RPS6KA2: variants seen among roughly 807,000 people sequenced by gnomAD.
RPS6KA2 encodes the protein ribosomal protein S6 kinase alpha-2.
In RPS6KA2, 42 loss-of-function variants were observed where a neutral mutation model predicts 91.8. The ratio of observed to expected loss-of-function variants is 0.46; its 90% CI spans 0.36 to 0.59. The LOEUF is 0.59. RPS6KA2 is among the 20% of genes least tolerant of loss of function. The probability of loss-of-function intolerance (pLI) is 0.00; values close to 1 mark genes in which losing one functional copy is unlikely to be tolerated. For missense variants in RPS6KA2, 798 were observed against 978.5 expected, an observed-to-expected ratio of 0.82 and a Z score of 2.46; for synonymous variants, 414 against 393.6, an observed-to-expected ratio of 1.05 and a Z score of -0.61.
intron 1 of RPS6KA2, among the ~76,000 whole-genome samples, chr6:166,574,689 T>A (rs1784790105): frequency 6.6e-6 from 1 of 152,212 alleles, no homozygotes; most frequent in Non-Finnish European, 1.5e-5. Flanking sequence ...ATGGAATTGG[T>A]GTGGTAGTTC....
chr6:166,628,675 C>T (rs1336143672), upstream of RPS6KA2, among the ~76,000 whole-genome samples: 3 of 152,228 alleles, frequency 2.0e-5, no homozygotes, highest in African/African-American at 7.2e-5. Context: ...ACGACTCTGG[C>T]GCTGCCCCTT....
chr6:166,588,450 T>C (rs1427293745), intron 1 of RPS6KA2, among the ~76,000 whole-genome samples: 1 of 152,070 alleles, frequency 6.6e-6, no homozygotes. Flanking sequence ...CTGGGGGTCT[T>C]AGGGGACTCC....
intron 12 of RPS6KA2, among the ~76,000 whole-genome samples, chr6:166,454,228 G>A (rs113619443): frequency 7.2e-5 from 11 of 152,284 alleles, no homozygotes; most frequent in Admixed American, 3.3e-4. Flanking sequence ...GGCTGGGCGC[G>A]GTGGATCACA....
At chr6:166,651,090 G>T (rs1400083242) in intron 2 of RPS6KA2, among the ~76,000 whole-genome samples, 1 of 152,210 alleles carries the variant, frequency 6.6e-6, no homozygotes, top group Non-Finnish European at 1.5e-5. Flanking sequence ...ATCCGAAAAT[G>T]TCAGCGCCTT....
At chr6:166,744,529 C>T (rs1303359259) in intron 2 of RPS6KA2, among the ~76,000 whole-genome samples, 2 of 152,226 alleles carry the variant, frequency 1.3e-5, no homozygotes, top group Non-Finnish European at 2.9e-5. Context: ...GCCTCAGCCC[C>T]CAGGGACTGC....
chr6:166,803,371 C>T (rs1484829355), intron 2 of RPS6KA2, among the ~76,000 whole-genome samples: 3 of 152,166 alleles, frequency 2.0e-5, no homozygotes, highest in East Asian at 1.9e-4. Flanking sequence ...TGAGCTGATA[C>T]GCTAATAACT....
chr6:166,464,998 AT>A (rs550435439), intron 11 of RPS6KA2, among the ~76,000 whole-genome samples: 149 of 150,998 alleles, frequency 9.9e-4, no homozygotes, highest in African/African-American at 3.4e-3. Flanking sequence ...AAAAAAATAA[AT>A]AAATAAATAA....
intron 6 of RPS6KA2, 113 bp from the exon 7 acceptor site, chr6:166,501,037 G>T: frequency 1.1e-6 from 1 of 921,938 alleles, no homozygotes; most frequent in Non-Finnish European, 1.7e-6. Flanking sequence ...TTTTCAGGGA[G>T]CCCTGATGGA....
intron 14 of RPS6KA2, among the ~76,000 whole-genome samples, chr6:166,436,867 C>G (rs369268522): frequency 4.6e-5 from 7 of 152,082 alleles, no homozygotes; most frequent in African/African-American, 1.7e-4. Flanking sequence ...GGTTCTCACA[C>G]GACCCTCCTG....
Position 166,459,497 on chromosome 6 carries a change from C to T in RPS6KA2, c.1027G>A (p.Glu343Lys). ...TCGGGGTCAAAGTGGAAGGTGTCCT[C>T]AGGCCTGCCCACTGCTGGTTTGAAC... ...PPFKPAVGRP[E>K]DTFHFDPEFT... Residue 343 changes from glutamate to lysine, a missense_variant, in exon 12 of 21, where the codon GAG becomes AAG. Glu to Lys is a moderately conservative substitution (Grantham distance 56). Coordinates refer to ENST00000265678, the MANE Select transcript of RPS6KA2 (RefSeq NM_021135.6). The surrounding 1 kb of genome is among the most constrained non-coding windows in gnomAD (Gnocchi z 4.9). 1.2e-6 allele frequency: 2 copies of T among 1,614,124 alleles called. No individual in the cohort carries two copies. The highest frequency in any genetic ancestry group is 1.7e-6 in the Non-Finnish European group (2 of 1,180,014).
rs2235275 is a variant in RPS6KA2, at chr6:166,493,921, A to T, written c.748-3180T>A. 6.6e-6 allele frequency among the ~76,000 whole-genome samples: 1 copy of T among 152,024 alleles called. No homozygotes were observed. Among genetic ancestry groups the T allele is most frequent in the Non-Finnish European group, 1.5e-5 (1 of 67,978 alleles). On this transcript the variant is annotated intron_variant, in intron 8 of 20. Transcript: ENST00000265678. This position sits in a 1 kb window ranked among gnomAD's most constrained non-coding sequence, Gnocchi z 4.7. ...AGGGACAGCTAAGGAACCTGGAAAG[A>T]GTGGCGGCCCCGGCACAGGCAGGAT...
At chr6:166,588,142 A>C (rs1270748435) in intron 1 of RPS6KA2, among the ~76,000 whole-genome samples, 1 of 152,152 alleles carries the variant, frequency 6.6e-6, no homozygotes, top group East Asian at 1.9e-4. Context: ...GTCTGAAGTA[A>C]ACAAGGCAGG....
At chr6:166,824,765 C>CTGTCTACG (rs1554260956) in intron 2 of RPS6KA2, among the ~76,000 whole-genome samples, 3 of 41,820 alleles carry the variant, frequency 7.2e-5, no homozygotes, top group East Asian at 1.7e-3. Context: ...GTGTGTGTGT[C>CTGTCTACG]TGTGTGTCTA....
In RPS6KA2 at chr6:166,493,986, G is replaced by C. The variant is rs868626855; in HGVS notation, c.748-3245C>G. Reference sequence around the variant, plus strand: ...CCAGTGGTACTGGGGGCAGGGGAAGGAGGAGACTCTGGGGAGACCCTTGGT... The same window carrying C: ...CCAGTGGTACTGGGGGCAGGGGAAGCAGGAGACTCTGGGGAGACCCTTGGT... On this transcript the variant is annotated intron_variant, in intron 8 of 20. Transcript: ENST00000265678. This position sits in a 1 kb window ranked among gnomAD's most constrained non-coding sequence, Gnocchi z 4.7. Among the ~76,000 whole-genome samples the C allele has an allele frequency of 7.9e-5, 12 of 152,212 alleles. No homozygotes were observed. The highest frequency in any genetic ancestry group is 2.7e-4 in the African/African-American group (11 of 41,466).
Position 166,770,906 on chromosome 6 carries a change from CT to C in RPS6KA2, c.123+87293del. 6.3e-7 allele frequency: 1 copy of C among 1,596,932 alleles called. No homozygotes were observed. Among genetic ancestry groups the C allele is most frequent in the Non-Finnish European group, 8.5e-7 (1 of 1,179,504 alleles). The stretch of plus-strand genomic sequence containing the variant: ...CTTTGTCTTGCAGGCAGCTGAGTCA[CT>C]TTTGCCCTGTGAAAATGGAAACGAA... On this transcript the variant is annotated intron_variant, in intron 2 of 21. Coordinates refer to the RPS6KA2 transcript ENST00000503859. This position sits in a 1 kb window ranked among gnomAD's most constrained non-coding sequence, Gnocchi z 5.1.
At chr6:166,686,635 C>A (rs1049134019) in intron 2 of RPS6KA2, among the ~76,000 whole-genome samples, 1 of 152,232 alleles carries the variant, frequency 6.6e-6, no homozygotes, top group African/African-American at 2.4e-5. Context: ...CTCACTTCTG[C>A]TCATGCTTCA....
chr6:166,744,873 C>T (rs1001470870), intron 2 of RPS6KA2, among the ~76,000 whole-genome samples: 4 of 152,184 alleles, frequency 2.6e-5, no homozygotes, highest in Non-Finnish European at 5.9e-5. Context: ...GGGCCTGGGC[C>T]TTCCCCGGCT....
At chr6:166,707,883 A>T (rs115913881) in intron 2 of RPS6KA2, among the ~76,000 whole-genome samples, 1 of 152,064 alleles carries the variant, frequency 6.6e-6, no homozygotes, top group Non-Finnish European at 1.5e-5. Context: ...AGCTGGAACT[A>T]CAGGTGTGCA....
intron 13 of RPS6KA2, among the ~76,000 whole-genome samples, chr6:166,450,650 C>CTGGGAGACCACCA (rs2128456101): frequency 6.8e-6 from 1 of 147,138 alleles, no homozygotes; most frequent in South Asian, 2.2e-4. Context: ...AGGGACCACC[C>CTGGGAGACCACCA]TGGGAGACCA....
Sources: gnomAD v4.1 joint callset for allele counts (sites outside exome capture counted in the v4.1 genomes callset) on GRCh38, gnomAD v4.1.1 for gene constraint, Gnocchi (gnomAD v3.1) non-coding constraint, MANE v1.5 for transcripts, NCBI Gene and HGNC (gene_info 2026-07-23, HGNC 2026-07-21) for gene names.